Variants in BBS2 observed in about 807,000 individuals in gnomAD.
The protein encoded by BBS2 is Bardet-Biedl syndrome 2, also known as BBSome complex member BBS2.
A neutral mutation model predicts 83.0 loss-of-function variants in BBS2; 62 were observed. The observed-to-expected ratio is 0.75, with a 90% CI of 0.61 to 0.92. BBS2 has a LOEUF of 0.92. BBS2 is among the 40% of genes least tolerant of loss of function. The pLI is 0.00. For missense variants in BBS2, 784 were observed against 901.0 expected (o/e 0.87, Z 1.66); for synonymous variants, 303 against 326.1 (o/e 0.93, Z 0.76).
chr16:56,501,082 G>A (rs1964257436), intron 10 of BBS2, 57 bp from the exon 11 acceptor site: 1 of 1,580,522 alleles, frequency 6.3e-7, no homozygotes, highest in African/African-American at 1.3e-5. Flanking sequence ...AAGCTGAGGT[G>A]GGCAGATCAC....
At chr16:56,487,754 A>T (rs1046149883) in intron 15 of BBS2, among the ~76,000 whole-genome samples, 2 of 152,206 alleles carry the variant, frequency 1.3e-5, no homozygotes, top group African/African-American at 4.8e-5. Context: ...TTGCTGATGA[A>T]ATTCATTGGA....
intron 1 of BBS2, among the ~76,000 whole-genome samples, chr16:56,518,099 G>A (rs1466304912): frequency 6.6e-6 from 1 of 152,190 alleles, no homozygotes; most frequent in Admixed American, 6.5e-5. Context: ...TTACAGGCAT[G>A]AGTCACTGCA....
At chr16:56,505,064 T>C (rs887791562) in intron 7 of BBS2, among the ~76,000 whole-genome samples, 6 of 152,238 alleles carry the variant, frequency 3.9e-5, no homozygotes, top group Non-Finnish European at 8.8e-5. Flanking sequence ...TCCAGAACTA[T>C]AAGAAATAAA....
rs2144132540 is a variant in BBS2, at chr16:56,497,796, C to T, written c.1744G>A (p.Val582Ile). ...ASFFAIEDLQ[V>I]EADFPVYFEE... ...AAATAGACAGGAAAATCCGCTTCTA[C>T]TTGAAGGTCTTCAATAGCAAAAAAT... Residue 582 changes from valine (V) to isoleucine (I), a missense_variant, in exon 14 of 17, where the codon GTA becomes ATA. By Grantham distance (29) the Val-to-Ile change is conservative. Transcript: ENST00000245157. 1 of 1,613,382 alleles carries T rather than the reference C, an allele frequency of 6.2e-7. No homozygotes were observed. Among genetic ancestry groups the T allele is most frequent in the Non-Finnish European group, 8.5e-7 (1 of 1,179,910 alleles).
chr16:56,512,818 A>G (rs1371134108), intron 2 of BBS2, among the ~76,000 whole-genome samples: 1 of 152,210 alleles, frequency 6.6e-6, no homozygotes, highest in Non-Finnish European at 1.5e-5. Flanking sequence ...AGGTCTGTGC[A>G]TTTTCATGTA....
chr16:56,470,737 C>G (rs1276248109), intron 17 of BBS2: 1 of 1,613,578 alleles, frequency 6.2e-7, no homozygotes, highest in Non-Finnish European at 8.5e-7. Context: ...CAACAACAGC[C>G]AACAGAGCAA....
chr16:56,519,441 T>C (rs1964853092), intron 1 of BBS2: 1 of 364,516 alleles, frequency 2.7e-6, no homozygotes, highest in Admixed American at 4.0e-5. Flanking sequence ...CGGTTATTAC[T>C]GCTAACCCGA....
chr16:56,498,812 T>A, intron 12 of BBS2: 1 of 1,023,554 alleles, frequency 9.8e-7, no homozygotes, highest in Non-Finnish European at 1.4e-6. Flanking sequence ...CATTCATAAT[T>A]ATGCCTGGCC....
At chr16:56,515,255 T>A (rs1283805068) in intron 1 of BBS2, among the ~76,000 whole-genome samples, 5 of 152,184 alleles carry the variant, frequency 3.3e-5, no homozygotes, top group African/African-American at 1.2e-4. Flanking sequence ...GATAATAAAT[T>A]CAACAGTTTC....
chr16:56,510,615 C>T (rs1964548205), intron 4 of BBS2, among the ~76,000 whole-genome samples: 1 of 152,222 alleles, frequency 6.6e-6, no homozygotes, highest in Non-Finnish European at 1.5e-5. Flanking sequence ...CTTCTACCCT[C>T]TCTGCCCTCT....
intron 1 of BBS2, among the ~76,000 whole-genome samples, chr16:56,515,837 T>C (rs1245517982): frequency 5.9e-5 from 9 of 152,298 alleles, no homozygotes; most frequent in Admixed American, 3.3e-4. Context: ...TTCATTTCCA[T>C]ATGAGGTCGG....
intron 1 of BBS2, 147 bp downstream of exon 1, chr16:56,519,599 G>A (rs1386178085): frequency 2.7e-5 from 18 of 658,716 alleles, no homozygotes; most frequent in African/African-American, 5.3e-5. Flanking sequence ...TCCTCTGCAG[G>A]ATGGAGCCAC....
chr16:56,492,411 T>C (rs1486751337), intron 15 of BBS2, among the ~76,000 whole-genome samples: 5 of 152,166 alleles, frequency 3.3e-5, no homozygotes, highest in Admixed American at 2.0e-4. Context: ...AAGCCAGTCA[T>C]AGAAGGACAA....
chr16:56,506,246 CACA>C (rs762715984), intron 5 of BBS2, 22 bp from the exon 6 acceptor site: 2 of 1,563,668 alleles, frequency 1.3e-6, no homozygotes, highest in South Asian at 2.2e-5. Flanking sequence ...TCCACAAAAA[CACA>C]ACATCTTTTC....
At chr16:56,496,946 C>A (rs1243760491) in intron 15 of BBS2, 21 bp downstream of exon 15, 4 of 1,563,270 alleles carry the variant, frequency 2.6e-6, no homozygotes, top group Non-Finnish European at 3.5e-6. Context: ...TGCACCTGTA[C>A]TAACCATGAC....
At chr16:56,482,373 T>A (rs1231545831), downstream of BBS2, among the ~76,000 whole-genome samples, 1 of 152,118 alleles carries the variant, frequency 6.6e-6, no homozygotes, top group Non-Finnish European at 1.5e-5. Context: ...TATTTATTTA[T>A]TTTTGTTTTG....
chr16:56,475,440 A>AG, intron 17 of BBS2: 1 of 1,422,802 alleles, frequency 7.0e-7, no homozygotes, highest in Middle Eastern at 1.8e-4. Context: ...GGGATCAGTG[A>AG]TTTAAGTAGA....
chr16:56,474,478 G>T (rs967385961), intron 17 of BBS2, among the ~76,000 whole-genome samples: 1 of 151,752 alleles, frequency 6.6e-6, no homozygotes, highest in African/African-American at 2.4e-5. Flanking sequence ...GCACTACCAC[G>T]CCTGGCTAAT....
chr16:56,483,845 G>C (rs1479602246), downstream of BBS2, among the ~76,000 whole-genome samples: 39 of 151,420 alleles, frequency 2.6e-4, no homozygotes, highest in Non-Finnish European at 5.0e-4. Flanking sequence ...GATTGTAGGT[G>C]TCCACCACCA....
Sources: allele counts gnomAD v4.1 joint callset (sites outside exome capture counted in the v4.1 genomes callset), GRCh38; gene constraint gnomAD v4.1.1; transcripts MANE v1.5; gene names NCBI Gene and HGNC (gene_info 2026-07-23, HGNC 2026-07-21).